Variants in RBM18 observed in about 807,000 individuals in gnomAD.
The protein encoded by RBM18 is probable RNA-binding protein 18.
In RBM18, 18 loss-of-function variants were observed where a neutral mutation model predicts 26.4. The observed-to-expected ratio is 0.68, with a 90% CI of 0.47 to 1.01. The LOEUF is 1.01. Among genes scored for constraint, RBM18 ranks in the 50% least tolerant of loss-of-function variants. The probability of loss-of-function intolerance (pLI) is 0.00; values close to 1 mark genes in which losing one functional copy is unlikely to be tolerated. For synonymous variants in RBM18, 74 were observed against 81.1 expected (o/e 0.91, Z 0.47); for missense variants, 180 against 219.2 (o/e 0.82, Z 1.13).
intron 5 of RBM18, among the ~76,000 whole-genome samples, chr9:122,243,336 C>G (rs1256178366): frequency 1.3e-5 from 2 of 152,268 alleles, no homozygotes; most frequent in Non-Finnish European, 2.9e-5. Flanking sequence ...TTTATAGATA[C>G]AGAAACAAAT....
chr9:122,255,204 T>C (rs533935497), intron 2 of RBM18, among the ~76,000 whole-genome samples: 2 of 152,248 alleles, frequency 1.3e-5, no homozygotes, highest in Non-Finnish European at 2.9e-5. Context: ...TGGGTCTTTA[T>C]GTTTTATGAT....
chr9:122,264,344 G>A (rs1831910086), intron 1 of RBM18, among the ~76,000 whole-genome samples: 1 of 152,200 alleles, frequency 6.6e-6, no homozygotes, highest in Non-Finnish European at 1.5e-5. Flanking sequence ...CTATCAAAAT[G>A]CTTTGCGTTT....
In RBM18 at chr9:122,264,092, C is replaced by T. The variant is rs1236123641; in HGVS notation, c.-17+623G>A. On this transcript the variant is annotated intron_variant, in intron 1 of 5. Transcript: ENST00000417201. ...AGCACAGGACCTTGCCAATCTTGATCACGGTTCTATTTCTAGCACTTAAGT... is the reference window on the plus strand; with the variant it reads ...AGCACAGGACCTTGCCAATCTTGATTACGGTTCTATTTCTAGCACTTAAGT... Among the ~76,000 whole-genome samples the T allele has an allele frequency of 8.5e-5, 13 of 152,300 alleles. No individual in the cohort carries two copies. The South Asian group carries it at 2.7e-3, about 32-fold the overall frequency.
chr9:122,261,147 A>G (rs552792216), intron 2 of RBM18, among the ~76,000 whole-genome samples: 88 of 152,144 alleles, frequency 5.8e-4, no homozygotes, highest in Non-Finnish European at 7.4e-4. Context: ...GGCAGATAGG[A>G]AAAAAACAGG....
rs1018728832 is a variant in RBM18 at position 122,238,363 on chromosome 9, G to C, written c.*3521C>G. ...TAGATATAATGTTGGTTAGCGGTAA[G>C]TGCTTTTGAGAAAATCGTGAGGAAA... is the stretch of plus-strand genomic sequence containing the variant. On this transcript the variant is annotated 3_prime_UTR_variant, in exon 6 of 6. Transcript: ENST00000417201. 10 of 152,240 alleles carry C rather than the reference G, an allele frequency of 6.6e-5. No individual in the cohort carries two copies. The highest frequency in any genetic ancestry group is 2.2e-4 in the African/African-American group (9 of 41,464). 9.4% of individuals were successfully genotyped at this position (152,240 alleles called of 1,614,324 possible).
chr9:122,255,621 A>T (rs1321006957), intron 2 of RBM18, among the ~76,000 whole-genome samples: 3 of 151,408 alleles, frequency 2.0e-5, no homozygotes, highest in Non-Finnish European at 2.9e-5. Flanking sequence ...TCAACCTTCC[A>T]CTCCATTTCA....
At chr9:122,252,983 G>A (rs1053988761) in intron 2 of RBM18, among the ~76,000 whole-genome samples, 5 of 152,150 alleles carry the variant, frequency 3.3e-5, no homozygotes, top group South Asian at 2.1e-4. Flanking sequence ...CAGCTCTCCC[G>A]TTTCCTTTCC....
intron 2 of RBM18, 64 bp from the exon 3 acceptor site, chr9:122,252,037 G>A (rs773455193): frequency 3.4e-5 from 54 of 1,596,548 alleles, no homozygotes; most frequent in Non-Finnish European, 4.5e-5. Context: ...AGCCTGAAGT[G>A]TGAGATAAAA....
chr9:122,251,438 A>C (rs1831604262), intron 3 of RBM18, among the ~76,000 whole-genome samples: 1 of 152,374 alleles, frequency 6.6e-6, no homozygotes, highest in South Asian at 2.1e-4. Context: ...TTGAGAAGAA[A>C]TAACAAAAGA....
intron 3 of RBM18, among the ~76,000 whole-genome samples, chr9:122,251,425 A>T (rs1831603974): frequency 6.6e-6 from 1 of 152,196 alleles, no homozygotes; most frequent in South Asian, 2.1e-4. Context: ...TTGTTCTGAG[A>T]CCTTGAGAAG....
intron 3 of RBM18, among the ~76,000 whole-genome samples, chr9:122,250,729 TTATG>T (rs1831587656): frequency 6.6e-6 from 1 of 152,090 alleles, no homozygotes; most frequent in Non-Finnish European, 1.5e-5. Context: ...TGTAACGTGT[TTATG>T]TGTGTGTGAA....
chr9:122,252,336 G>A (rs1831618248), intron 2 of RBM18, among the ~76,000 whole-genome samples: 4 of 152,190 alleles, frequency 2.6e-5, no homozygotes, highest in African/African-American at 9.7e-5. Context: ...AATGGCATTT[G>A]TGAATAACTA....
chr9:122,251,872 C>T lies in RBM18; in HGVS notation c.215G>A (p.Cys72Tyr). 1 of 1,614,102 alleles carries T rather than the reference C, an allele frequency of 6.2e-7. No homozygotes were observed. The highest frequency in any genetic ancestry group is 1.3e-5 in the African/African-American group (1 of 75,036). ...CTGCTTAGTTTCAAAGTTAACAAAA[C>T]AGTAGCCTCGAGGCTGTCCCTCCAA... ...GALEGQPRGY[C>Y]FVNFETKQEA... The change falls in exon 3 of 6, where the codon TGT becomes TAT. Residue 72 changes from cysteine (C) to tyrosine (Y), a missense_variant. Physicochemically the swap from Cys to Tyr is radical, Grantham distance 194 (BLOSUM62 -2). Coordinates refer to ENST00000417201, the MANE Select transcript of RBM18 (RefSeq NM_033117.4).
At position 122,238,708 on chromosome 9, in the gene RBM18, G is replaced by T. The variant is rs1365870247; in HGVS notation, c.*3176C>A. The T allele has an allele frequency of 6.6e-6, 1 of 152,236 alleles. No individual in the cohort carries two copies. The highest frequency in any genetic ancestry group is 1.5e-5 in the Non-Finnish European group (1 of 68,052). The allele number at this position is 152,236 out of a possible 1,614,324, so 9.4% of individuals were successfully genotyped here. On this transcript the variant is annotated 3_prime_UTR_variant, in exon 6 of 6. Transcript: ENST00000417201. ...TTTCAATTTTTTCTAGGCTGTGATG[G>T]AAAGCCACAAAGAAGAGAATCACAT...
intron 1 of RBM18, among the ~76,000 whole-genome samples, chr9:122,263,398 C>T (rs1215255836): frequency 6.6e-6 from 1 of 152,176 alleles, no homozygotes; most frequent in Admixed American, 6.5e-5. Context: ...AAATTTAATC[C>T]CAGGGGAGAC....
chr9:122,256,652 T>G (rs1831702328), intron 2 of RBM18, among the ~76,000 whole-genome samples: 1 of 152,224 alleles, frequency 6.6e-6, no homozygotes, highest in Non-Finnish European at 1.5e-5. Flanking sequence ...AGGATACTTT[T>G]GGTTGTGACT....
At chr9:122,260,953 T>C (rs1354505042) in intron 2 of RBM18, among the ~76,000 whole-genome samples, 1 of 152,126 alleles carries the variant, frequency 6.6e-6, no homozygotes, top group African/African-American at 2.4e-5. Flanking sequence ...CTTCTATAGT[T>C]CTATGGCTGC....
chr9:122,245,305 T>C lies in RBM18; in HGVS notation c.364A>G (p.Ile122Val), dbSNP rs200837960. ...DHNKNDKILP[I>V]SLEPSSSTEP... ...GTGCTTGAGGATGGCTCGAGACTGA[T>C]TGGAAGAATCTTATCATTCTTGTTA... Residue 122 changes from isoleucine to valine, a missense_variant, in exon 5 of 6, where the codon ATC (isoleucine) becomes GTC (valine). Ile to Val is a conservative substitution (Grantham distance 29). This residue lies in a region of RBM18 where 103 missense variants were observed against 102.8 expected (regional missense o/e 1.00). Transcript: ENST00000417201. The C allele has an allele frequency of 7.1e-5, 115 of 1,610,934 alleles. No individual in the cohort carries two copies. Among genetic ancestry groups the C allele is most frequent in the Admixed American group, 2.2e-4 (13 of 59,996 alleles).
chr9:122,261,652 GC>G (rs1831798535), intron 1 of RBM18, 144 bp from the exon 2 acceptor site: 1 of 613,970 alleles, frequency 1.6e-6, no homozygotes, highest in Admixed American at 2.9e-5. Context: ...CACAACCAGG[GC>G]CCCAGAACCA....
Sources: allele counts gnomAD v4.1 joint callset (sites outside exome capture counted in the v4.1 genomes callset), GRCh38; gene constraint gnomAD v4.1.1; regional missense constraint gnomAD v4.1.1; transcripts MANE v1.5; gene names NCBI Gene and HGNC (gene_info 2026-07-23, HGNC 2026-07-21).